Variants in STX5 observed in about 807,000 individuals in gnomAD.
STX5 encodes the protein syntaxin 5, also known as syntaxin-5.
In STX5, 15 loss-of-function variants were observed where a neutral mutation model predicts 42.9. The observed-to-expected ratio is 0.35, with a 90% CI of 0.23 to 0.54. The LOEUF is 0.54. Among genes scored for constraint, STX5 ranks in the 20% least tolerant of loss-of-function variants. STX5 has a pLI of 0.91. For synonymous variants in STX5, 184 were observed against 173.2 expected (o/e 1.06, Z -0.49); for missense variants, 430 against 455.0 (o/e 0.95, Z 0.50).
chr11:62,807,723 A>G (rs1313230928), intron 10 of STX5, 95 bp from the exon 11 acceptor site: 1 of 1,539,986 alleles, frequency 6.5e-7, no homozygotes. Context: ...GATGGTCACA[A>G]TATGATCCCA....
chr11:62,815,534 G>GT (rs1232989244), intron 10 of STX5, among the ~76,000 whole-genome samples: 1,904 of 143,642 alleles, frequency 0.013, 32 homozygotes, highest in African/African-American at 0.041. Context: ...TAACGGCGTG[G>GT]TTTTTTTTTT....
intron 10 of STX5, among the ~76,000 whole-genome samples, chr11:62,822,986 G>A (rs989167605): frequency 1.3e-5 from 2 of 152,000 alleles, no homozygotes; most frequent in Non-Finnish European, 2.9e-5. Flanking sequence ...TTCTAGCCAC[G>A]CAGGCCTTCT....
At chr11:62,830,926 C>A (rs2084850174) in intron 2 of STX5, 93 bp downstream of exon 2, 1 of 1,181,786 alleles carries the variant, frequency 8.5e-7, no homozygotes, top group Admixed American at 2.0e-5. Flanking sequence ...ATCAGGTACC[C>A]CCCAAAATTA....
chr11:62,824,985 C>A (rs778735212), intron 8 of STX5, 51 bp downstream of exon 8: 1 of 1,585,580 alleles, frequency 6.3e-7, no homozygotes, highest in Non-Finnish European at 8.6e-7. Flanking sequence ...CCATCACAAC[C>A]AGAGTAAGTA....
chr11:62,831,730 G>A (rs1206770729), intron 1 of STX5, among the ~76,000 whole-genome samples: 3 of 142,034 alleles, frequency 2.1e-5, no homozygotes, highest in African/African-American at 8.0e-5. Context: ...CCCCGCCCAA[G>A]GTCCGCCTTC....
At chr11:62,818,027 T>G (rs1249288809) in intron 10 of STX5, among the ~76,000 whole-genome samples, 1 of 152,040 alleles carries the variant, frequency 6.6e-6, no homozygotes, top group Non-Finnish European at 1.5e-5. Context: ...GCGGATCACC[T>G]GAGGTCAGTA....
chr11:62,831,395 C>T, intron 1 of STX5, 133 bp from the exon 2 acceptor site: 1 of 727,590 alleles, frequency 1.4e-6, no homozygotes, highest in Non-Finnish European at 2.4e-6. Context: ...GCTCGCAAAT[C>T]CTGGGGCGGA....
chr11:62,807,704 A>G, intron 10 of STX5, 76 bp from the exon 11 acceptor site: 1 of 1,574,972 alleles, frequency 6.3e-7, no homozygotes, highest in Non-Finnish European at 8.6e-7. Flanking sequence ...CCATTTATTG[A>G]CATGGAAAGA....
chr11:62,825,587 TAGTC>T (rs2084787210), intron 5 of STX5, 48 bp from the exon 6 acceptor site: 1 of 1,540,650 alleles, frequency 6.5e-7, no homozygotes, highest in South Asian at 1.1e-5. Context: ...AAGGAGTCCT[TAGTC>T]AGCATCTCTC....
At chr11:62,827,037 G>A in intron 5 of STX5, 118 bp downstream of exon 5, 1 of 863,436 alleles carries the variant, frequency 1.2e-6, no homozygotes, top group Non-Finnish European at 1.8e-6. Context: ...TCAACACAGT[G>A]AGACCCCCCT....
intron 10 of STX5, among the ~76,000 whole-genome samples, chr11:62,821,803 G>C (rs1035626335): frequency 6.6e-6 from 1 of 151,860 alleles, no homozygotes; most frequent in East Asian, 1.9e-4. Context: ...TGAAGTGGGC[G>C]GATCATGACA....
intron 2 of STX5, 22 bp downstream of exon 2, chr11:62,830,997 C>T (rs1450559476): frequency 6.5e-7 from 1 of 1,544,942 alleles, no homozygotes; most frequent in Non-Finnish European, 8.8e-7. Flanking sequence ...CACTCCTCGC[C>T]TTTTCCACTC....
chr11:62,831,319 G>A lies in STX5; in HGVS notation c.-19-57C>T, dbSNP rs916263574. On this transcript the variant is annotated intron_variant, in intron 1 of 10. Transcript: ENST00000294179. ...GCAACTTCTTTACCCAAACTCCCCC[G>A]CCCCACCCCAATCAACAAATCCCCG... 5 of 1,237,960 alleles carry A rather than the reference G, an allele frequency of 4.0e-6. No individual in the cohort carries two copies. In the African/African-American group the frequency reaches 4.5e-5, roughly 11 times the overall value. 76.7% of individuals were successfully genotyped at this position (1,237,960 alleles called of 1,614,324 possible).
intron 2 of STX5, among the ~76,000 whole-genome samples, chr11:62,829,520 T>C (rs1296285834): frequency 6.6e-6 from 1 of 152,010 alleles, no homozygotes; most frequent in East Asian, 1.9e-4. Context: ...TCCCAGCACT[T>C]TGAGAAGATA....
rs1033823422 is a variant in STX5 at position 62,831,274 on chromosome 11, G to A, written c.-19-12C>T. The A allele has an allele frequency of 9.8e-6, 15 of 1,534,168 alleles. No homozygotes were observed. Among genetic ancestry groups the A allele is most frequent in the South Asian group, 1.2e-5 (1 of 83,750 alleles). ...CGCATAACCTCGGACTGTTGTGGAG[G>A]GGAGAGTGTCATTCCCCAGGCAACT... On this transcript the variant is annotated splice_polypyrimidine_tract_variant and intron_variant, in intron 1 of 10. Coordinates refer to ENST00000294179, the MANE Select transcript of STX5 (RefSeq NM_003164.5).
In STX5 at chr11:62,807,256, C is replaced by G; in HGVS notation, c.*213G>C. On this transcript the variant is annotated 3_prime_UTR_variant, in exon 11 of 11. Transcript: ENST00000294179. ...TTCACAGCAGAGTTCAAATCTAGAA[C>G]CCTGTGTGTTTCATAGGCCTGAGGG... 1 of 633,388 alleles carries G rather than the reference C, an allele frequency of 1.6e-6. No individual in the cohort carries two copies. Among genetic ancestry groups the G allele is most frequent in the South Asian group, 2.4e-5 (1 of 41,910 alleles). 39.2% of individuals were successfully genotyped at this position (633,388 alleles called of 1,614,324 possible).
rs1047981089 is a variant in STX5, at chr11:62,820,197, T to C, written c.908+3969A>G. Among the ~76,000 whole-genome samples the C allele has an allele frequency of 3.8e-4, 57 of 151,168 alleles. 1 individual carries two copies. Among genetic ancestry groups the C allele is most frequent in the African/African-American group, 1.3e-3 (55 of 41,318 alleles). ...CATCCTGGCTAACATGGTGAAACCCTGTCTCTACTAAAAATACAAAAAAAA... is the reference window on the plus strand; with the variant it reads ...CATCCTGGCTAACATGGTGAAACCCCGTCTCTACTAAAAATACAAAAAAAA... On this transcript the variant is annotated intron_variant, in intron 10 of 10. Transcript: ENST00000294179.
chr11:62,820,273 G>C (rs559549963), intron 10 of STX5, among the ~76,000 whole-genome samples: 1 of 151,252 alleles, frequency 6.6e-6, no homozygotes, highest in East Asian at 2.1e-4. Flanking sequence ...TCGGGAGGCT[G>C]AGGCAGAATG....
Position 62,824,240 on chromosome 11 carries a change from C to T in STX5, c.834G>A (p.Ser278=), listed in dbSNP as rs756884751. Residue 278 remains serine (S), a synonymous_variant, in exon 10 of 11, where the codon TCG becomes TCA. Transcript: ENST00000294179. The part of the protein sequence containing the change: ...SRADTMQNIE[S]TIVELGSIFQ... ...AGATGGAGCCCAACTCAACAATTGT[C>T]GACTCAATGTTCTGCATGGTGTCTG... is the stretch of plus-strand genomic sequence containing the variant. The T allele has an allele frequency of 3.1e-6, 5 of 1,613,980 alleles. No individual in the cohort carries two copies. Among genetic ancestry groups the T allele is most frequent in the African/African-American group, 2.7e-5 (2 of 74,904 alleles).
Sources: gnomAD v4.1 joint callset for allele counts (sites outside exome capture counted in the v4.1 genomes callset) on GRCh38, gnomAD v4.1.1 for gene constraint, MANE v1.5 for transcripts, NCBI Gene and HGNC (gene_info 2026-07-23, HGNC 2026-07-21) for gene names.